The following TBL1XR1 variants were observed in gnomAD, a reference collection of about 807,000 sequenced individuals.
TBL1XR1 encodes F-box-like/WD repeat-containing protein TBL1XR1.
TBL1XR1 carries 5 observed loss-of-function variants against 66.9 expected under a neutral mutation model. The observed-to-expected ratio is 0.07, with a 90% CI of 0.04 to 0.16. TBL1XR1 has a LOEUF of 0.16. TBL1XR1 is among the 10% of genes least tolerant of loss of function. The pLI, the probability that TBL1XR1 is intolerant of heterozygous loss-of-function variation, is 1.00. For synonymous variants in TBL1XR1, 210 were observed against 206.0 expected, an observed-to-expected ratio of 1.02 and a Z score of -0.17; for missense variants, 238 against 623.2, an observed-to-expected ratio of 0.38 and a Z score of 6.58.
chr3:177,122,774 C>T (rs1166623468), intron 1 of TBL1XR1, among the ~76,000 whole-genome samples: 1 of 152,098 alleles, frequency 6.6e-6, no homozygotes, highest in Non-Finnish European at 1.5e-5. Flanking sequence ...AGAAAAGACT[C>T]ATGATTAAAT....
chr3:177,167,554 C>T (rs1345793382), intron 1 of TBL1XR1, among the ~76,000 whole-genome samples: 3 of 152,184 alleles, frequency 2.0e-5, no homozygotes, highest in Admixed American at 2.0e-4. Context: ...ATGTTGGTAA[C>T]TGGGGACACG....
At chr3:177,037,989 C>T (rs895220820) in intron 12 of TBL1XR1, 109 bp downstream of exon 12, 4 of 814,724 alleles carry the variant, frequency 4.9e-6, no homozygotes, top group Non-Finnish European at 5.7e-6. Flanking sequence ...AGTTTTCATG[C>T]AGGTACAAAC....
Position 177,022,402 on chromosome 3 carries a change from T to C in TBL1XR1, c.*3096A>G, listed in dbSNP as rs1712496858. 6.6e-6 allele frequency: 1 copy of C among 152,496 alleles called. No homozygotes were observed. The allele number at this position is 152,496 out of a possible 1,614,324, so 9.4% of individuals were successfully genotyped here. On this transcript the variant is annotated 3_prime_UTR_variant, in exon 16 of 16. Transcript: ENST00000457928. ...AGAGTTATCACTTCTAAAAGTCATT[T>C]GAAAGTCAATGATGTTATCTGGTCA...
At chr3:177,084,704 G>A (rs1175900984) in intron 2 of TBL1XR1, among the ~76,000 whole-genome samples, 1 of 152,178 alleles carries the variant, frequency 6.6e-6, no homozygotes, top group Non-Finnish European at 1.5e-5. Flanking sequence ...ACTCTGCAGT[G>A]CAATGTTAGT....
intron 1 of TBL1XR1, among the ~76,000 whole-genome samples, chr3:177,113,859 A>G (rs753428242): frequency 7.2e-4 from 109 of 152,278 alleles, no homozygotes; most frequent in Non-Finnish European, 1.3e-3. Flanking sequence ...ACAAAAGACA[A>G]CAAGTGCTGC....
upstream of TBL1XR1, among the ~76,000 whole-genome samples, chr3:177,200,546 T>C (rs1737319832): frequency 6.6e-6 from 1 of 152,274 alleles, no homozygotes; most frequent in Non-Finnish European, 1.5e-5. Context: ...ATACAAGCAA[T>C]GATTAGACTC....
chr3:177,168,830 T>G (rs1733128847), intron 1 of TBL1XR1, among the ~76,000 whole-genome samples: 1 of 152,230 alleles, frequency 6.6e-6, no homozygotes, highest in Non-Finnish European at 1.5e-5. Flanking sequence ...GATTTACAAT[T>G]ATTTAAAGTA....
At chr3:177,084,075 G>A (rs868527483) in intron 2 of TBL1XR1, among the ~76,000 whole-genome samples, 38 of 135,308 alleles carry the variant, frequency 2.8e-4, no homozygotes, top group East Asian at 9.0e-4. Context: ...GAGACAGGGC[G>A]AGACTCCGTC....
chr3:177,124,579 T>A lies in TBL1XR1; in HGVS notation c.-121-26038A>T, dbSNP rs187201480. 3.3e-5 allele frequency among the ~76,000 whole-genome samples: 5 copies of A among 152,232 alleles called. No homozygotes were observed. In the East Asian group the frequency reaches 9.7e-4, roughly 29 times the overall value. ...GCTTTAAATGAAAATCTTCAGCTAC[T>A]GGAAGGCCTTTCTCCCATTCTCTCA... On this transcript the variant is annotated intron_variant, in intron 1 of 15. Coordinates refer to ENST00000457928, the MANE Select transcript of TBL1XR1 (RefSeq NM_024665.7).
At chr3:177,069,704 A>G (rs562887089) in intron 2 of TBL1XR1, among the ~76,000 whole-genome samples, 16 of 151,984 alleles carry the variant, frequency 1.1e-4, no homozygotes, top group Admixed American at 1.0e-3. Context: ...GCACCACTGC[A>G]GTCCAGCCTG....
chr3:177,137,333 A>C (rs1045081991), intron 1 of TBL1XR1, among the ~76,000 whole-genome samples: 1 of 152,068 alleles, frequency 6.6e-6, no homozygotes, highest in Non-Finnish European at 1.5e-5. Flanking sequence ...CTTTACAAAA[A>C]ATACAAAAAT....
At chr3:177,116,083 A>T (rs910040160) in intron 1 of TBL1XR1, among the ~76,000 whole-genome samples, 1 of 152,174 alleles carries the variant, frequency 6.6e-6, no homozygotes, top group African/African-American at 2.4e-5. Flanking sequence ...AATAAACCTG[A>T]TGGAATTCAT....
At chr3:177,050,416 T>A in intron 6 of TBL1XR1, 62 bp downstream of exon 6, 5 of 1,576,000 alleles carry the variant, frequency 3.2e-6, no homozygotes, top group South Asian at 1.2e-5. Context: ...ATAATGCATA[T>A]GTTTATAAAA....
intron 10 of TBL1XR1, among the ~76,000 whole-genome samples, chr3:177,043,502 T>C (rs1193581187): frequency 6.6e-6 from 1 of 152,190 alleles, no homozygotes; most frequent in Non-Finnish European, 1.5e-5. Flanking sequence ...TGCATACTTA[T>C]ACACTTGAAA....
At position 177,074,386 on chromosome 3, in the gene TBL1XR1, G is replaced by A. The variant is rs142072823; in HGVS notation, c.-45-9364C>T. On this transcript the variant is annotated intron_variant, in intron 2 of 15. Coordinates refer to ENST00000457928, the MANE Select transcript of TBL1XR1 (RefSeq NM_024665.7). ...TTTTCCTTCTTTCCAAAGTCCTTGC[G>A]TATGAGCCATGATCAACCTCTTTAC... Among the ~76,000 whole-genome samples, 21 of 152,236 alleles carry A rather than the reference G, an allele frequency of 1.4e-4. No homozygotes were observed. In the East Asian group the frequency reaches 2.5e-3, roughly 18 times the overall value.
At chr3:177,114,613 C>G (rs1577210409) in intron 1 of TBL1XR1, among the ~76,000 whole-genome samples, 2 of 151,592 alleles carry the variant, frequency 1.3e-5, no homozygotes, top group East Asian at 3.9e-4. Context: ...ATATGTATTT[C>G]AAAAGATTTG....
At chr3:177,074,371 T>C (rs1307036606) in intron 2 of TBL1XR1, among the ~76,000 whole-genome samples, 2 of 152,216 alleles carry the variant, frequency 1.3e-5, no homozygotes, top group South Asian at 2.1e-4. Flanking sequence ...TTTTCCTTCT[T>C]TCCAAAGTCC....
chr3:177,069,434 T>TA lies in TBL1XR1; in HGVS notation c.-45-4413dup, dbSNP rs564584252. ...TTATAAACACCAACATATAAAGACA[T>TA]AAAAAAAACAGTACACCAGCTGGGC... On this transcript the variant is annotated intron_variant, in intron 2 of 15. Coordinates refer to ENST00000457928, the MANE Select transcript of TBL1XR1 (RefSeq NM_024665.7). 3.2e-4 allele frequency among the ~76,000 whole-genome samples: 48 copies of TA among 151,518 alleles called. 1 individual carries two copies. In the South Asian group the frequency reaches 5.8e-3, roughly 18 times the overall value.
chr3:177,119,180 C>G (rs745388267), intron 1 of TBL1XR1, among the ~76,000 whole-genome samples: 1 of 152,086 alleles, frequency 6.6e-6, no homozygotes, highest in Admixed American at 6.6e-5. Flanking sequence ...CCATGTTGGC[C>G]GGGCTGGTCT....
Sources: gnomAD v4.1 joint callset for allele counts (sites outside exome capture counted in the v4.1 genomes callset) on GRCh38, gnomAD v4.1.1 for gene constraint, MANE v1.5 for transcripts, NCBI Gene and HGNC (gene_info 2026-07-23, HGNC 2026-07-21) for gene names.